ZNF333: variants seen among roughly 807,000 people sequenced by gnomAD.
ZNF333 encodes zinc finger protein 333.
ZNF333 carries 61 observed loss-of-function variants against 76.1 expected under a neutral mutation model. The ratio of observed to expected loss-of-function variants is 0.80; its 90% CI spans 0.65 to 0.99. ZNF333 has a LOEUF of 0.99. ZNF333 is among the 50% of genes least tolerant of loss of function. The pLI, the probability that ZNF333 is intolerant of heterozygous loss-of-function variation, is 0.00. For missense variants in ZNF333, 717 were observed against 822.4 expected, an observed-to-expected ratio of 0.87 and a Z score of 1.57; for synonymous variants, 284 against 305.0, an observed-to-expected ratio of 0.93 and a Z score of 0.72.
At chr19:14,711,264 A>AG (rs995289032) in intron 7 of ZNF333, among the ~76,000 whole-genome samples, 1 of 152,154 alleles carries the variant, frequency 6.6e-6, no homozygotes, top group Non-Finnish European at 1.5e-5. Context: ...CTTACCAGTT[A>AG]GGGGGGCGGG....
intron 3 of ZNF333, 98 bp downstream of exon 3, chr19:14,695,231 G>A: frequency 1.4e-6 from 2 of 1,463,768 alleles, no homozygotes; most frequent in Non-Finnish European, 1.8e-6. Context: ...TAGGCTTTGT[G>A]GCACTTAGCG....
At position 14,706,784 on chromosome 19, in the gene ZNF333, G is replaced by T; in HGVS notation, c.511+11G>T. 3.1e-6 allele frequency: 5 copies of T among 1,611,276 alleles called. No individual in the cohort carries two copies. The highest frequency in any genetic ancestry group is 4.2e-6 in the Non-Finnish European group (5 of 1,178,962). ...TGGCCAGGGATTCTGGTGAGTGAGT[G>T]CTGCGTGGAACACGTGGCCAGAGGG... is the stretch of plus-strand genomic sequence containing the variant. On this transcript the variant is annotated intron_variant, in intron 7 of 11. Coordinates refer to ENST00000292530, the MANE Select transcript of ZNF333 (RefSeq NM_032433.4).
At chr19:14,702,862 G>A (rs1385722774) in intron 5 of ZNF333, among the ~76,000 whole-genome samples, 3 of 152,140 alleles carry the variant, frequency 2.0e-5, no homozygotes, top group African/African-American at 7.2e-5. Context: ...TTCACATGGT[G>A]GGCAGCAAGG....
chr19:14,701,046 C>G (rs948916300), intron 5 of ZNF333, among the ~76,000 whole-genome samples: 1 of 152,128 alleles, frequency 6.6e-6, no homozygotes, highest in Non-Finnish European at 1.5e-5. Context: ...CTCCTCACTC[C>G]CCAGGCCCTC....
intron 6 of ZNF333, among the ~76,000 whole-genome samples, chr19:14,705,789 C>G (rs1201963432): frequency 6.6e-6 from 1 of 152,210 alleles, no homozygotes; most frequent in Non-Finnish European, 1.5e-5. Flanking sequence ...ATCTAGGCTG[C>G]AGGCTCCTTA....
chr19:14,699,454 G>T, intron 5 of ZNF333, 173 bp downstream of exon 5: 2 of 550,808 alleles, frequency 3.6e-6, no homozygotes, highest in Non-Finnish European at 6.4e-6. Flanking sequence ...AACCCAGACT[G>T]TTGCTCAAGA....
intron 7 of ZNF333, among the ~76,000 whole-genome samples, chr19:14,712,156 CA>C (rs1185078903): frequency 6.6e-6 from 1 of 151,386 alleles, no homozygotes; most frequent in African/African-American, 2.4e-5. Context: ...TGATCAAAGA[CA>C]GGGGCAGCAC....
chr19:14,693,646 A>G, intron 2 of ZNF333, 152 bp downstream of exon 2: 1 of 874,046 alleles, frequency 1.1e-6, no homozygotes. Flanking sequence ...GCCCTAGGGG[A>G]CCTAGGGACT....
chr19:14,712,863 T>G (rs2042318432), intron 7 of ZNF333, among the ~76,000 whole-genome samples: 1 of 152,218 alleles, frequency 6.6e-6, no homozygotes, highest in Non-Finnish European at 1.5e-5. Flanking sequence ...CATTTTGAAG[T>G]ACTGGGGGTT....
chr19:14,706,025 C>T (rs969170622), intron 6 of ZNF333: 2 of 446,308 alleles, frequency 4.5e-6, no homozygotes, highest in Admixed American at 2.4e-5. Flanking sequence ...GCTGCATGTA[C>T]CCCCCAACCT....
intron 4 of ZNF333, among the ~76,000 whole-genome samples, chr19:14,697,820 A>T (rs1000880915): frequency 1.3e-5 from 2 of 152,186 alleles, no homozygotes; most frequent in Non-Finnish European, 2.9e-5. Context: ...ACCAGCGGAG[A>T]TGAGAGTTTT....
intron 4 of ZNF333, among the ~76,000 whole-genome samples, chr19:14,696,421 T>A (rs1019945407): frequency 6.6e-6 from 1 of 152,172 alleles, no homozygotes; most frequent in Non-Finnish European, 1.5e-5. Context: ...GACATTTGTA[T>A]ATGGAAATCG....
chr19:14,730,272 C>G (rs989379408), intron 11 of ZNF333, among the ~76,000 whole-genome samples: 3 of 152,102 alleles, frequency 2.0e-5, no homozygotes, highest in African/African-American at 7.2e-5. Flanking sequence ...TCAGGCTGGT[C>G]TTGAACTCCT....
upstream of ZNF333, chr19:14,689,860 C>T (rs1291571594): frequency 6.6e-6 from 1 of 152,386 alleles, no homozygotes; most frequent in African/African-American, 2.4e-5. Flanking sequence ...TAGGCTCCGC[C>T]CCCAGCACCA....
At chr19:14,725,748 G>A (rs927852169), downstream of ZNF333, among the ~76,000 whole-genome samples, 2 of 152,212 alleles carry the variant, frequency 1.3e-5, no homozygotes, top group East Asian at 3.8e-4. Flanking sequence ...TGCAAGATAT[G>A]GGATCTCAAG....
intron 11 of ZNF333, among the ~76,000 whole-genome samples, chr19:14,727,316 C>T (rs576411123): frequency 6.6e-5 from 10 of 152,162 alleles, no homozygotes; most frequent in Non-Finnish European, 1.3e-4. Flanking sequence ...GTGTGAGCCA[C>T]CAAGCCCGGC....
At chr19:14,714,838 G>A (rs1215433928) in intron 7 of ZNF333, 1 of 152,792 alleles carries the variant, frequency 6.5e-6, no homozygotes, top group Non-Finnish European at 1.5e-5. Flanking sequence ...GTTGGTTGTG[G>A]TTTATCTGCC....
Position 14,719,934 on chromosome 19 carries a change from C to T in ZNF333, c.*609C>T. ...GGCACGGTGGCTCATGCCTCTAATCCCAGCACTTTGGGAGGCTGAGGCTGG... is the reference window on the plus strand; with the variant it reads ...GGCACGGTGGCTCATGCCTCTAATCTCAGCACTTTGGGAGGCTGAGGCTGG... On this transcript the variant is annotated 3_prime_UTR_variant, in exon 12 of 12. Coordinates refer to ENST00000292530, the MANE Select transcript of ZNF333 (RefSeq NM_032433.4). The T allele has an allele frequency of 1.0e-6, 1 of 985,088 alleles. No individual in the cohort carries two copies. The highest frequency in any genetic ancestry group is 1.2e-6 in the Non-Finnish European group (1 of 829,732). 61.0% of individuals were successfully genotyped at this position (985,088 alleles called of 1,614,324 possible).
At chr19:14,700,742 C>T (rs920757035) in intron 5 of ZNF333, among the ~76,000 whole-genome samples, 3 of 152,104 alleles carry the variant, frequency 2.0e-5, no homozygotes, top group Non-Finnish European at 4.4e-5. Context: ...AGAGCTCAGC[C>T]TCACCCCCAA....
Sources: allele counts gnomAD v4.1 joint callset (sites outside exome capture counted in the v4.1 genomes callset), GRCh38; gene constraint gnomAD v4.1.1; transcripts MANE v1.5; gene names NCBI Gene and HGNC (gene_info 2026-07-23, HGNC 2026-07-21).